Variants in RYR3 observed in about 807,000 individuals in gnomAD.
RYR3 encodes brain ryanodine receptor-calcium release channel.
In RYR3, 207 loss-of-function variants were observed where a neutral mutation model predicts 584.3. The observed-to-expected ratio is 0.35, with a 90% CI of 0.32 to 0.40. The LOEUF (loss-of-function observed/expected upper bound fraction) is 0.40. Among genes scored for constraint, RYR3 ranks in the 10% least tolerant of loss-of-function variants. The probability of loss-of-function intolerance (pLI) is 1.00; values close to 1 mark genes in which losing one functional copy is unlikely to be tolerated. For missense variants in RYR3, 5,616 were observed against 6,089.2 expected, an observed-to-expected ratio of 0.92 and a Z score of 2.59; for synonymous variants, 2,416 against 2,248.5, an observed-to-expected ratio of 1.07 and a Z score of -2.11.
chr15:33,626,561 G>A (rs1160406304), intron 20 of RYR3, among the ~76,000 whole-genome samples: 5 of 152,196 alleles, frequency 3.3e-5, no homozygotes, highest in African/African-American at 1.2e-4. Flanking sequence ...TAATCACCAA[G>A]GCAATGGGGA....
chr15:33,458,439 C>T (rs2047741971), intron 1 of RYR3, among the ~76,000 whole-genome samples: 1 of 152,344 alleles, frequency 6.6e-6, no homozygotes, highest in African/African-American at 2.4e-5. Flanking sequence ...TCCTGGTTCT[C>T]AGCCTGCAGA....
chr15:33,546,992 C>T (rs535169004), intron 8 of RYR3, among the ~76,000 whole-genome samples: 3 of 152,222 alleles, frequency 2.0e-5, no homozygotes, highest in African/African-American at 4.8e-5. Flanking sequence ...GATCAGAGGT[C>T]ACAAGATTCT....
At chr15:33,319,960 G>A (rs1268966858) in intron 1 of RYR3, among the ~76,000 whole-genome samples, 2 of 152,140 alleles carry the variant, frequency 1.3e-5, no homozygotes, top group Non-Finnish European at 2.9e-5. Context: ...TTGGGGTCAA[G>A]CAGGTAGCTA....
Position 33,662,557 on chromosome 15 carries a change from G to T in RYR3, c.5027G>T (p.Gly1676Val), listed in dbSNP as rs753601941. The change falls in exon 35 of 104, where the codon GGT (glycine) becomes GTT (valine). Residue 1676 changes from glycine to valine, a missense_variant. Coordinates refer to ENST00000634891, the MANE Select transcript of RYR3 (RefSeq NM_001036.6). ...TCCACCCCTTGCTTTGTTGTGACTG[G>T]TGAGGATCACCAAAAGCAGAGCCCC... is the stretch of plus-strand genomic sequence containing the variant. ...RFSTPCFVVTGEDHQKQSPEI... is the reference protein window; with the variant it reads ...RFSTPCFVVTVEDHQKQSPEI... 4 of 1,614,016 alleles carry T rather than the reference G, an allele frequency of 2.5e-6. No homozygotes were observed. Among genetic ancestry groups the T allele is most frequent in the South Asian group, 1.1e-5 (1 of 91,086 alleles).
chr15:33,636,309 T>C, intron 26 of RYR3, 67 bp from the exon 27 acceptor site: 2 of 1,364,138 alleles, frequency 1.5e-6, no homozygotes, highest in Non-Finnish European at 2.1e-6. Flanking sequence ...GAAGATATGG[T>C]CATTTCTCCA....
At chr15:33,847,448 C>G (rs2078801000) in intron 93 of RYR3, 1 of 152,246 alleles carries the variant, frequency 6.6e-6, no homozygotes, top group Non-Finnish European at 1.5e-5. Context: ...CGCCCTAGCT[C>G]TGTCTGAATT....
intron 1 of RYR3, among the ~76,000 whole-genome samples, chr15:33,314,926 C>CA (rs1490158439): frequency 1.1e-5 from 1 of 87,086 alleles, no homozygotes; most frequent in African/African-American, 4.5e-5. Flanking sequence ...AGAAAACAAA[C>CA]AACAAAAAAA....
chr15:33,740,441 G>C (rs1325368361), intron 51 of RYR3, among the ~76,000 whole-genome samples: 1 of 152,192 alleles, frequency 6.6e-6, no homozygotes, highest in Non-Finnish European at 1.5e-5. Context: ...GCAGAACAGT[G>C]TGGGGTCCTC....
intron 102 of RYR3, among the ~76,000 whole-genome samples, chr15:33,862,787 T>G (rs769053754): frequency 2.0e-5 from 3 of 152,080 alleles, no homozygotes; most frequent in Admixed American, 6.5e-5. Flanking sequence ...ATTTTTGTAT[T>G]TTTAGTAGAG....
chr15:33,694,053 A>G (rs145866614), intron 38 of RYR3, among the ~76,000 whole-genome samples: 1 of 152,180 alleles, frequency 6.6e-6, no homozygotes, highest in Non-Finnish European at 1.5e-5. Context: ...AGTTTTGTCA[A>G]GGACCAGCAG....
At position 33,768,003 on chromosome 15, in the gene RYR3, G is replaced by T. The variant is rs190497425; in HGVS notation, c.8706-655G>T. 5.9e-5 allele frequency among the ~76,000 whole-genome samples: 9 copies of T among 152,296 alleles called. No individual in the cohort carries two copies. The East Asian group carries it at 1.4e-3, about 23-fold the overall frequency. The stretch of plus-strand genomic sequence containing the variant: ...AGTGGTTCCACAGTGGAAAATATGG[G>T]TGAAAGCATAAAGGAGAGTCAAAAA... On this transcript the variant is annotated intron_variant, in intron 60 of 103. Transcript: ENST00000634891.
intron 77 of RYR3, 96 bp downstream of exon 77, chr15:33,819,903 G>A: frequency 1.1e-6 from 1 of 916,902 alleles, no homozygotes; most frequent in Non-Finnish European, 1.7e-6. Flanking sequence ...AGCAGGCCTG[G>A]GACTTTGTCA....
At chr15:33,855,170 G>A (rs576535025) in intron 98 of RYR3, among the ~76,000 whole-genome samples, 6 of 152,036 alleles carry the variant, frequency 3.9e-5, no homozygotes, top group Non-Finnish European at 5.9e-5. Context: ...GAGAGGGAGG[G>A]AGGTGATGGA....
intron 17 of RYR3, among the ~76,000 whole-genome samples, chr15:33,602,789 AGGCTGGAGTGCGGT>A: frequency 8.7e-6 from 1 of 115,460 alleles, no homozygotes. Flanking sequence ...TCTGCTGCCC[AGGCTGGAGTGCGGT>A]GGCATAATCA....
intron 1 of RYR3, among the ~76,000 whole-genome samples, chr15:33,312,174 A>T (rs1467469107): frequency 6.6e-6 from 1 of 152,180 alleles, no homozygotes; most frequent in Non-Finnish European, 1.5e-5. Flanking sequence ...TGCTCTCAGG[A>T]ATTAGAATGA....
chr15:33,821,387 T>C lies in RYR3; in HGVS notation c.10915+18T>C, dbSNP rs1162035329. The C allele has an allele frequency of 6.3e-7, 1 of 1,593,928 alleles. No homozygotes were observed. The stretch of plus-strand genomic sequence containing the variant: ...TAGCAAAGGTGATTTCCCTAGTTTC[T>C]GGATGGGCTTATGTAACTTCCACAA... On this transcript the variant is annotated intron_variant, in intron 79 of 103. Transcript: ENST00000634891.
intron 48 of RYR3, among the ~76,000 whole-genome samples, chr15:33,734,666 T>C (rs567733989): frequency 1.3e-4 from 19 of 150,992 alleles, no homozygotes; most frequent in East Asian, 1.2e-3. Flanking sequence ...AATCAGACTT[T>C]GGAGAAATTC....
intron 1 of RYR3, among the ~76,000 whole-genome samples, chr15:33,468,204 C>T (rs2048641679): frequency 6.6e-6 from 1 of 152,180 alleles, no homozygotes; most frequent in Non-Finnish European, 1.5e-5. Context: ...ACCTACCTGA[C>T]AGGATGATTG....
chr15:33,322,622 T>G (rs1231594394), intron 1 of RYR3, among the ~76,000 whole-genome samples: 2 of 152,226 alleles, frequency 1.3e-5, no homozygotes, highest in Non-Finnish European at 2.9e-5. Flanking sequence ...CTTATTTATT[T>G]TTGTACATAC....
Sources: allele counts gnomAD v4.1 joint callset (sites outside exome capture counted in the v4.1 genomes callset), GRCh38; gene constraint gnomAD v4.1.1; transcripts MANE v1.5; gene names NCBI Gene and HGNC (gene_info 2026-07-23, HGNC 2026-07-21).